The following CNTNAP4 variants were observed in gnomAD, a reference collection of about 807,000 sequenced individuals.
CNTNAP4 encodes contactin associated protein family member 4, also known as contactin-associated protein-like 4.
Under a neutral mutation model 148.4 loss-of-function variants are expected in CNTNAP4, and 98 were observed. The observed-to-expected ratio is 0.66, with a 90% CI of 0.56 to 0.78. The LOEUF (loss-of-function observed/expected upper bound fraction) is 0.78. Ranked by LOEUF, CNTNAP4 falls within the 30% of genes least tolerant of loss-of-function variation. The pLI, the probability that CNTNAP4 is intolerant of heterozygous loss-of-function variation, is 0.00. For synonymous variants in CNTNAP4, 730 were observed against 565.1 expected, an observed-to-expected ratio of 1.29 and a Z score of -4.14; for missense variants, 1,935 against 1,565.6, an observed-to-expected ratio of 1.24 and a Z score of -3.98.
chr16:76,488,295 C>G (rs965348188), intron 12 of CNTNAP4, among the ~76,000 whole-genome samples: 1 of 152,144 alleles, frequency 6.6e-6, no homozygotes, highest in East Asian at 1.9e-4. Context: ...GCTGGCCACC[C>G]GTAATTTCAT....
chr16:76,512,560 C>A (rs1363852346), intron 15 of CNTNAP4, among the ~76,000 whole-genome samples: 1 of 151,964 alleles, frequency 6.6e-6, no homozygotes, highest in Admixed American at 6.6e-5. Context: ...CTGCTGGGGT[C>A]AGAGTTGTAG....
intron 4 of CNTNAP4, among the ~76,000 whole-genome samples, chr16:76,438,852 G>A (rs902515867): frequency 1.1e-4 from 16 of 152,188 alleles, no homozygotes; most frequent in East Asian, 3.9e-4. Context: ...TTAAATCTCC[G>A]TGTTCAAAAC....
chr16:76,537,829 A>G (rs2084276916), intron 18 of CNTNAP4, among the ~76,000 whole-genome samples: 1 of 152,140 alleles, frequency 6.6e-6, no homozygotes, highest in Non-Finnish European at 1.5e-5. Flanking sequence ...TAGATGATCA[A>G]GGAGATAGAA....
At chr16:76,335,739 G>C (rs1218223888) in intron 2 of CNTNAP4, among the ~76,000 whole-genome samples, 2 of 152,162 alleles carry the variant, frequency 1.3e-5, no homozygotes, top group Non-Finnish European at 2.9e-5. Context: ...ATTGCCATGT[G>C]ACAAGAACCC....
chr16:76,514,742 C>G (rs938021855), intron 15 of CNTNAP4, among the ~76,000 whole-genome samples: 3 of 110,342 alleles, frequency 2.7e-5, no homozygotes, highest in African/African-American at 7.7e-5. Context: ...TAGTTGAAAA[C>G]AATAATAGAT....
At chr16:76,334,751 T>G (rs1567746877) in intron 2 of CNTNAP4, among the ~76,000 whole-genome samples, 1 of 152,248 alleles carries the variant, frequency 6.6e-6, no homozygotes, top group East Asian at 1.9e-4. Flanking sequence ...TATTTTTTAG[T>G]GGCTTTGGAC....
rs781562424 is a variant in CNTNAP4 at position 76,494,903 on chromosome 16, C to G, written c.2081-7C>G. 6.2e-7 allele frequency: 1 copy of G among 1,609,286 alleles called. No individual in the cohort carries two copies. Among genetic ancestry groups the G allele is most frequent in the Non-Finnish European group, 8.5e-7 (1 of 1,177,580 alleles). On this transcript the variant is annotated splice_region_variant and splice_polypyrimidine_tract_variant and intron_variant, in intron 13 of 23. Coordinates refer to ENST00000611870, the MANE Select transcript of CNTNAP4 (RefSeq NM_033401.5). ...CAGATGTCACATTTTTCACGTTTTT[C>G]TTTCAGATGGAACCCCTCTGAGTTG... is the stretch of plus-strand genomic sequence containing the variant.
intron 15 of CNTNAP4, among the ~76,000 whole-genome samples, chr16:76,508,787 G>C (rs1228875218): frequency 1.4e-5 from 1 of 72,432 alleles, no homozygotes. Flanking sequence ...GAGTCTCACT[G>C]TGTCGCCCAG....
chr16:76,366,964 A>T (rs74026741), intron 3 of CNTNAP4, among the ~76,000 whole-genome samples: 2 of 152,106 alleles, frequency 1.3e-5, no homozygotes, highest in African/African-American at 4.8e-5. Context: ...TCTGAATGTC[A>T]TATAGAAAAA....
At chr16:76,280,458 G>C (rs986263888) in intron 1 of CNTNAP4, among the ~76,000 whole-genome samples, 1 of 152,036 alleles carries the variant, frequency 6.6e-6, no homozygotes, top group Non-Finnish European at 1.5e-5. Context: ...TTGTATATAC[G>C]TATATGTGTA....
rs149004815 is a variant in CNTNAP4 at position 76,483,222 on chromosome 16, G to A, written c.1882+3684G>A. 4.2e-5 allele frequency among the ~76,000 whole-genome samples: 5 copies of A among 118,206 alleles called. No homozygotes were observed. The East Asian group carries it at 1.5e-3, about 35-fold the overall frequency. The allele number at this position is 118,206 out of a possible 152,430, so 77.5% of individuals were successfully genotyped here. On this transcript the variant is annotated intron_variant, in intron 12 of 23. Coordinates refer to ENST00000611870, the MANE Select transcript of CNTNAP4 (RefSeq NM_033401.5). ...TTGATAAATATCTCTAGTCTTTGAA[G>A]TTTTAAGAAACACACACACACACAC...
chr16:76,399,431 G>T (rs1911242), intron 3 of CNTNAP4, among the ~76,000 whole-genome samples: 3 of 151,906 alleles, frequency 2.0e-5, no homozygotes, highest in Non-Finnish European at 2.9e-5. Context: ...TAAAAATATT[G>T]TTTCTCAAAA....
intron 3 of CNTNAP4, among the ~76,000 whole-genome samples, chr16:76,379,043 G>C (rs2015708053): frequency 6.6e-6 from 1 of 152,162 alleles, no homozygotes; most frequent in South Asian, 2.1e-4. Context: ...TGTAAACTTA[G>C]GGCCTCTGGG....
intron 23 of CNTNAP4, 88 bp downstream of exon 23, chr16:76,553,995 C>A (rs2085083771): frequency 3.7e-6 from 3 of 812,768 alleles, no homozygotes; most frequent in Non-Finnish European, 6.0e-6. Context: ...TGTGAAGAAT[C>A]TGCACATACT....
chr16:76,293,538 G>A (rs780081271), intron 1 of CNTNAP4, among the ~76,000 whole-genome samples: 12 of 152,022 alleles, frequency 7.9e-5, no homozygotes, highest in Non-Finnish European at 1.3e-4. Flanking sequence ...AAAATATTAA[G>A]GGAAAGTGAT....
At chr16:76,387,243 C>T (rs1485139744) in intron 3 of CNTNAP4, among the ~76,000 whole-genome samples, 5 of 152,148 alleles carry the variant, frequency 3.3e-5, no homozygotes, top group Non-Finnish European at 7.3e-5. Flanking sequence ...TAAGTGATAT[C>T]ACAAATTTGA....
chr16:76,523,866 G>T (rs78473815), intron 17 of CNTNAP4, among the ~76,000 whole-genome samples: 2 of 152,256 alleles, frequency 1.3e-5, no homozygotes, highest in African/African-American at 2.4e-5. Context: ...GTAATTGGAG[G>T]CTGTGGTGAA....
At position 76,466,506 on chromosome 16, in the gene CNTNAP4, CAT is replaced by C. The variant is rs1355492513; in HGVS notation, c.1484-842_1484-841del. Among the ~76,000 whole-genome samples the C allele has an allele frequency of 5.3e-5, 8 of 152,004 alleles. No homozygotes were observed. The East Asian group carries it at 1.5e-3, about 29-fold the overall frequency. On this transcript the variant is annotated intron_variant, in intron 9 of 23. Coordinates refer to ENST00000611870, the MANE Select transcript of CNTNAP4 (RefSeq NM_033401.5). ...TTTGCATGCCTGTTTCAAAATATCT[CAT>C]ATACCCACATATACACCTACCATGT...
chr16:76,354,196 C>T (rs1055846995), intron 2 of CNTNAP4, among the ~76,000 whole-genome samples: 4 of 152,018 alleles, frequency 2.6e-5, no homozygotes, highest in East Asian at 3.9e-4. Flanking sequence ...AACCCTATTT[C>T]GTAACTTTTA....
Sources: allele counts gnomAD v4.1 joint callset (sites outside exome capture counted in the v4.1 genomes callset), GRCh38; gene constraint gnomAD v4.1.1; transcripts MANE v1.5; gene names NCBI Gene and HGNC (gene_info 2026-07-23, HGNC 2026-07-21).